PCNX2: variants seen among roughly 807,000 people sequenced by gnomAD.
PCNX2 encodes pecanex-like protein 2.
A neutral mutation model predicts 223.8 loss-of-function variants in PCNX2; 168 were observed. The ratio of observed to expected loss-of-function variants is 0.75; its 90% CI spans 0.66 to 0.85. The LOEUF (loss-of-function observed/expected upper bound fraction) is 0.85, where lower values mean the gene tolerates loss of function less well. Ranked by LOEUF, PCNX2 falls within the 40% of genes least tolerant of loss-of-function variation. The probability of loss-of-function intolerance (pLI) is 0.00; values close to 1 mark genes in which losing one functional copy is unlikely to be tolerated. For missense variants in PCNX2, 2,507 were observed against 2,675.5 expected, an observed-to-expected ratio of 0.94 and a Z score of 1.39; for synonymous variants, 1,006 against 1,052.6, an observed-to-expected ratio of 0.96 and a Z score of 0.86.
chr1:233,287,029 C>T (rs922260400), intron 1 of PCNX2, among the ~76,000 whole-genome samples: 10 of 152,166 alleles, frequency 6.6e-5, no homozygotes, highest in African/African-American at 2.4e-4. Context: ...AAGTCATGGG[C>T]GTTACCCATA....
chr1:233,142,194 ATAGAT>A (rs952796855), intron 19 of PCNX2, among the ~76,000 whole-genome samples: 12 of 152,206 alleles, frequency 7.9e-5, no homozygotes, highest in African/African-American at 2.4e-4. Flanking sequence ...CATTTTACAT[ATAGAT>A]TAAAGGATTT....
chr1:233,157,131 T>A (rs1165057737), intron 19 of PCNX2, among the ~76,000 whole-genome samples: 2 of 152,158 alleles, frequency 1.3e-5, no homozygotes, highest in African/African-American at 4.8e-5. Context: ...AGATGGCATG[T>A]CAAACTTTAC....
At chr1:233,251,177 T>A (rs1284896705) in intron 7 of PCNX2, among the ~76,000 whole-genome samples, 2 of 152,232 alleles carry the variant, frequency 1.3e-5, no homozygotes, top group Non-Finnish European at 2.9e-5. Flanking sequence ...GTCAGCATGA[T>A]CTGTGCTAGG....
chr1:233,005,577 T>C (rs973369568), intron 28 of PCNX2, among the ~76,000 whole-genome samples: 2 of 152,190 alleles, frequency 1.3e-5, no homozygotes, highest in African/African-American at 4.8e-5. Context: ...AACTCTGAGT[T>C]AGAATTCCAC....
chr1:233,245,142 T>C (rs1408882765), intron 8 of PCNX2, among the ~76,000 whole-genome samples: 15 of 152,258 alleles, frequency 9.9e-5, no homozygotes, highest in Admixed American at 9.8e-4. Context: ...GGGCCATCTT[T>C]GTCATTTCCA....
Position 233,179,175 on chromosome 1 carries a change from C to T in PCNX2, c.3067G>A (p.Glu1023Lys), listed in dbSNP as rs556306896. 8.1e-6 allele frequency: 13 copies of T among 1,613,570 alleles called. No individual in the cohort carries two copies. In the South Asian group the frequency reaches 1.3e-4, roughly 16 times the overall value. Residue 1023 changes from glutamate (E) to lysine (K), a missense_variant and splice_region_variant, in exon 16 of 34, where the codon GAA (glutamate) becomes AAA (lysine). By Grantham distance (56) the Glu-to-Lys change is moderately conservative. Coordinates refer to ENST00000258229, the MANE Select transcript of PCNX2 (RefSeq NM_014801.4). The stretch of plus-strand genomic sequence containing the variant: ...GGGATGTGTTGCATGCTCCACGGTT[C>T]CTAAAGAAAAGACATCAGTTAGCCA... ...LHAVCFSAVK[E>K]PWSMQHIPAL... is the part of the protein sequence containing the mutation.
chr1:233,101,561 A>T (rs1199939892), intron 21 of PCNX2, among the ~76,000 whole-genome samples: 1 of 152,236 alleles, frequency 6.6e-6, no homozygotes, highest in African/African-American at 2.4e-5. Context: ...GATAGGCTTC[A>T]TGGAGCATGG....
intron 10 of PCNX2, among the ~76,000 whole-genome samples, chr1:233,221,682 T>C (rs1657388007): frequency 6.6e-6 from 1 of 152,062 alleles, no homozygotes; most frequent in Admixed American, 6.5e-5. Context: ...GGAGAGGTAA[T>C]GAGGGCCTGG....
intron 19 of PCNX2, among the ~76,000 whole-genome samples, chr1:233,156,992 G>A (rs1406977284): frequency 6.6e-6 from 1 of 152,156 alleles, no homozygotes; most frequent in East Asian, 1.9e-4. Context: ...TAGTGAAGCT[G>A]GAGGAATGGC....
At chr1:233,056,031 T>C (rs1672179985) in intron 24 of PCNX2, among the ~76,000 whole-genome samples, 1 of 152,170 alleles carries the variant, frequency 6.6e-6, no homozygotes, top group Admixed American at 6.5e-5. Context: ...AACTAGAGCA[T>C]TTATAACTTA....
chr1:233,089,840 G>T, intron 23 of PCNX2: 1 of 1,285,958 alleles, frequency 7.8e-7, no homozygotes, highest in Non-Finnish European at 9.8e-7. Context: ...ACCTGGACTA[G>T]TATTCGTTGG....
intron 24 of PCNX2, among the ~76,000 whole-genome samples, chr1:233,056,377 T>C (rs1262067040): frequency 6.6e-6 from 1 of 152,212 alleles, no homozygotes; most frequent in African/African-American, 2.4e-5. Flanking sequence ...ATTTGCATAA[T>C]TAGATTAAAA....
At chr1:233,122,736 C>T (rs573354205) in intron 21 of PCNX2, among the ~76,000 whole-genome samples, 11 of 151,990 alleles carry the variant, frequency 7.2e-5, no homozygotes, top group South Asian at 6.2e-4. Flanking sequence ...TTGGTCAGAC[C>T]GGTCTTGAAC....
intron 1 of PCNX2, among the ~76,000 whole-genome samples, chr1:233,271,304 T>A (rs1572183346): frequency 6.6e-6 from 1 of 152,282 alleles, no homozygotes; most frequent in African/African-American, 2.4e-5. Flanking sequence ...AACCCATACA[T>A]GATCAACACC....
intron 28 of PCNX2, among the ~76,000 whole-genome samples, chr1:233,005,755 T>C (rs3766489): frequency 0.27 from 40,355 of 152,106 alleles, 5,649 homozygotes; most frequent in African/African-American, 0.34. Flanking sequence ...ACACCTGCAG[T>C]GCATTTCTGT....
At chr1:232,989,251 G>C (rs1399846071) in intron 32 of PCNX2, among the ~76,000 whole-genome samples, 1 of 152,160 alleles carries the variant, frequency 6.6e-6, no homozygotes, top group African/African-American at 2.4e-5. Context: ...TCAGGAGATC[G>C]AGACCATCCT....
rs561205697 is a variant in PCNX2, at chr1:233,043,142, T to C, written c.4351+11126A>G. ...TTTTCAAGTTGCCTGGCTCCTGCTG[T>C]TGGCAGCATGGTGATTCCTCATTCA... is the stretch of plus-strand genomic sequence containing the variant. On this transcript the variant is annotated intron_variant, in intron 25 of 33. Coordinates refer to ENST00000258229, the MANE Select transcript of PCNX2 (RefSeq NM_014801.4). Among the ~76,000 whole-genome samples, 751 of 152,328 alleles carry C rather than the reference T, an allele frequency of 4.9e-3. 7 individuals carry two copies. Among genetic ancestry groups the C allele is most frequent in the African/African-American group, 0.018 (732 of 41,578 alleles).
intron 25 of PCNX2, among the ~76,000 whole-genome samples, chr1:233,028,359 T>C (rs1671155548): frequency 6.6e-6 from 1 of 152,246 alleles, no homozygotes; most frequent in Non-Finnish European, 1.5e-5. Flanking sequence ...TTGTAGATTT[T>C]TCTGTTTTTA....
At chr1:233,312,599 A>C in the PCNX2 span, among the ~76,000 whole-genome samples, 1 of 152,322 alleles carries the variant, frequency 6.6e-6, no homozygotes, top group South Asian at 2.1e-4. Context: ...AAGACGAAAA[A>C]CCCTTCCAAA....
Sources: gnomAD v4.1 joint callset for allele counts (sites outside exome capture counted in the v4.1 genomes callset) on GRCh38, gnomAD v4.1.1 for gene constraint, MANE v1.5 for transcripts, NCBI Gene and HGNC (gene_info 2026-07-23, HGNC 2026-07-21) for gene names.